Variants in WSB1 observed in about 807,000 individuals in gnomAD.
The protein encoded by WSB1 is WD repeat and SOCS box containing 1.
In WSB1, 23 loss-of-function variants were observed where a neutral mutation model predicts 50.2. The observed-to-expected ratio is 0.46, with a 90% CI of 0.33 to 0.65. The LOEUF is 0.65. Among genes scored for constraint, WSB1 ranks in the 30% least tolerant of loss-of-function variants. The pLI is 0.02. For missense variants in WSB1, 492 were observed against 522.3 expected (o/e 0.94, Z 0.56); for synonymous variants, 179 against 172.0 (o/e 1.04, Z -0.32).
intron 5 of WSB1, chr17:27,308,526 C>T: frequency 1.0e-6 from 1 of 985,670 alleles, no homozygotes; most frequent in Non-Finnish European, 1.2e-6. Context: ...TGTGGTTTAA[C>T]ATCCTTGTTG....
rs1305047350 is a variant in WSB1, at chr17:27,313,685, C to T, written c.*1316C>T. The T allele has an allele frequency of 1.3e-5, 2 of 151,808 alleles. No homozygotes were observed. The highest frequency in any genetic ancestry group is 2.9e-5 in the Non-Finnish European group (2 of 67,994). The allele number at this position is 151,808 out of a possible 1,614,324, so 9.4% of individuals were successfully genotyped here. On this transcript the variant is annotated 3_prime_UTR_variant, in exon 9 of 9. Transcript: ENST00000262394. Reference sequence around the variant, plus strand: ...GTTAGGTGGAGTACTTTCTCTCTGTCTCCATTGTAAGGTTGATGGTACACC... The same window carrying T: ...GTTAGGTGGAGTACTTTCTCTCTGTTTCCATTGTAAGGTTGATGGTACACC...
Position 27,309,223 on chromosome 17 carries a change from C to T in WSB1, c.835C>T (p.Arg279Ter), listed in dbSNP as rs769447081. 2 of 1,611,876 alleles carry T rather than the reference C, an allele frequency of 1.2e-6. No homozygotes were observed. Among genetic ancestry groups the T allele is most frequent in the Non-Finnish European group, 1.7e-6 (2 of 1,178,898 alleles). ...ACTGGCTACTGCATCTTATGATACTCGAGTATATATCTGGGATCCACATAA... is the reference window on the plus strand; with the variant it reads ...ACTGGCTACTGCATCTTATGATACTTGAGTATATATCTGGGATCCACATAA... ...ALLATASYDTRVYIWDPHNGD... is the reference protein window; with the variant it reads ...ALLATASYDT Residue 279 changes from arginine (R) to a stop codon, truncating the protein, a stop_gained, in exon 6 of 9, where the codon CGA becomes TGA. Transcript: ENST00000262394. LOFTEE classifies it high-confidence loss of function.
Position 27,303,471 on chromosome 17 carries a change from A to G in WSB1, c.314A>G (p.Asp105Gly). The change falls in exon 3 of 9, where the codon GAC (aspartate) becomes GGC (glycine). Residue 105 changes from aspartate (D) to glycine (G), a missense_variant. Transcript: ENST00000262394. ...QKNKPREHII[D>G]CGDIVWSLAF... is the part of the protein sequence containing the mutation. ...AATAAGCCTCGTGAACATATTATAG[A>G]CTGTGGAGATATAGTCTGGAGTCTT... 6.2e-7 allele frequency: 1 copy of G among 1,614,130 alleles called. No individual in the cohort carries two copies. The highest frequency in any genetic ancestry group is 1.3e-5 in the African/African-American group (1 of 75,058).
intron 1 of WSB1, among the ~76,000 whole-genome samples, chr17:27,296,783 G>C (rs2016998673): frequency 2.0e-5 from 3 of 152,168 alleles, no homozygotes; most frequent in Non-Finnish European, 4.4e-5. Context: ...CCTTAATAAG[G>C]TCATTAAATC....
chr17:27,304,697 G>A, intron 3 of WSB1, 83 bp from the exon 4 acceptor site: 28 of 1,398,514 alleles, frequency 2.0e-5, no homozygotes, highest in South Asian at 7.8e-5. Flanking sequence ...GAGTGACAGA[G>A]TGAGACCCTG....
intron 4 of WSB1, among the ~76,000 whole-genome samples, chr17:27,305,984 G>A (rs1258856065): frequency 2.6e-5 from 4 of 152,136 alleles, no homozygotes; most frequent in East Asian, 1.9e-4. Flanking sequence ...CCTGGCATGC[G>A]TAGGCACTCA....
chr17:27,305,415 A>G (rs1285655598), intron 4 of WSB1, among the ~76,000 whole-genome samples: 2 of 152,246 alleles, frequency 1.3e-5, no homozygotes, highest in Non-Finnish European at 2.9e-5. Context: ...TGAAAGATTT[A>G]CTGTCCAATA....
rs535422228 is a variant in WSB1 at position 27,300,047 on chromosome 17, G to A, written c.41-1741G>A. Among the ~76,000 whole-genome samples the A allele has an allele frequency of 1.3e-4, 20 of 151,630 alleles. 1 individual carries two copies. In the South Asian group the frequency reaches 4.0e-3, roughly 30 times the overall value. ...AACATATTTAAATCACTTTAGAATG[G>A]GAGCATAAATGTGTGCTTTCATATT... On this transcript the variant is annotated intron_variant, in intron 1 of 8. Transcript: ENST00000262394.
Position 27,312,571 on chromosome 17 carries a change from A to T in WSB1, c.*202A>T. On this transcript the variant is annotated 3_prime_UTR_variant, in exon 9 of 9. Transcript: ENST00000262394. ...GTATTTCTGAACATATCAAATATAA[A>T]TTTTTTTAAAGATCTAACTGTGAAA... is the stretch of plus-strand genomic sequence containing the variant. The T allele has an allele frequency of 1.5e-6, 1 of 650,686 alleles. No individual in the cohort carries two copies. Among genetic ancestry groups the T allele is most frequent in the Non-Finnish European group, 2.4e-6 (1 of 418,670 alleles). 40.3% of individuals were successfully genotyped at this position (650,686 alleles called of 1,614,324 possible).
chr17:27,309,862 T>C (rs1488108807), intron 6 of WSB1, among the ~76,000 whole-genome samples, 199 bp from the exon 7 acceptor site: 2 of 152,194 alleles, frequency 1.3e-5, no homozygotes, highest in Non-Finnish European at 2.9e-5. Context: ...ATTACAGGCA[T>C]GAGCCACTGC....
rs1221050939 is a variant in WSB1, at chr17:27,313,199, A to T, written c.*830A>T. ...AGACGTAGAGCTTGAATGTGACGTT[A>T]TTTAAAAACAACAACAAAGAAGGCA... On this transcript the variant is annotated 3_prime_UTR_variant, in exon 9 of 9. Coordinates refer to ENST00000262394, the MANE Select transcript of WSB1 (RefSeq NM_015626.10). 6.6e-6 allele frequency: 1 copy of T among 152,438 alleles called. No homozygotes were observed. Among genetic ancestry groups the T allele is most frequent in the East Asian group, 1.9e-4 (1 of 5,198 alleles). The allele number at this position is 152,438 out of a possible 1,614,324, so 9.4% of individuals were successfully genotyped here.
At chr17:27,300,382 A>G (rs1223889646) in intron 1 of WSB1, among the ~76,000 whole-genome samples, 1 of 152,178 alleles carries the variant, frequency 6.6e-6, no homozygotes, top group Non-Finnish European at 1.5e-5. Context: ...TAGGTGATAC[A>G]CTGATAAAGA....
chr17:27,312,585 C>G lies in WSB1; in HGVS notation c.*216C>G. The stretch of plus-strand genomic sequence containing the variant: ...ATCAAATATAAATTTTTTTAAAGAT[C>G]TAACTGTGAAAACATACATACCTGT... On this transcript the variant is annotated 3_prime_UTR_variant, in exon 9 of 9. Coordinates refer to ENST00000262394, the MANE Select transcript of WSB1 (RefSeq NM_015626.10). 1 of 568,030 alleles carries G rather than the reference C, an allele frequency of 1.8e-6. No individual in the cohort carries two copies. The highest frequency in any genetic ancestry group is 3.6e-5 in the East Asian group (1 of 27,844). The allele number at this position is 568,030 out of a possible 1,614,324, so 35.2% of individuals were successfully genotyped here. A position where few individuals can be genotyped will look rare whatever the true frequency, so the allele number is the denominator to read the frequency against.
chr17:27,299,080 A>T (rs1012261839), intron 1 of WSB1, among the ~76,000 whole-genome samples: 1 of 152,220 alleles, frequency 6.6e-6, no homozygotes, highest in Non-Finnish European at 1.5e-5. Flanking sequence ...GGCCAGGCAT[A>T]TAAAGAACCC....
chr17:27,299,280 G>A lies in WSB1; in HGVS notation c.41-2508G>A, dbSNP rs556435563. On this transcript the variant is annotated intron_variant, in intron 1 of 8. Coordinates refer to ENST00000262394, the MANE Select transcript of WSB1 (RefSeq NM_015626.10). ...AATCCCAGTACTTTGGGAGGCTGAA[G>A]GTGGGAGGATCACTTGAGCCCAGGA... Among the ~76,000 whole-genome samples, 3 of 152,304 alleles carry A rather than the reference G, an allele frequency of 2.0e-5. No individual in the cohort carries two copies. The East Asian group carries it at 5.8e-4, about 29-fold the overall frequency.
chr17:27,307,412 G>A, intron 5 of WSB1: 1 of 371,230 alleles, frequency 2.7e-6, no homozygotes, highest in South Asian at 3.4e-5. Flanking sequence ...TGTTAAGAGG[G>A]TTATGCTTAT....
chr17:27,305,609 G>A (rs1415500193), intron 4 of WSB1, among the ~76,000 whole-genome samples: 1 of 152,170 alleles, frequency 6.6e-6, no homozygotes, highest in Non-Finnish European at 1.5e-5. Context: ...TCAAGCTGGA[G>A]GTTAACAGGC....
At chr17:27,303,002 C>T in intron 2 of WSB1, 1 of 180,190 alleles carries the variant, frequency 5.5e-6, no homozygotes, top group Non-Finnish European at 1.2e-5. Context: ...TCAGCTTGAC[C>T]ATATCTTAAG....
intron 3 of WSB1, among the ~76,000 whole-genome samples, chr17:27,303,929 C>T (rs1164882159): frequency 6.6e-6 from 1 of 152,180 alleles, no homozygotes; most frequent in Non-Finnish European, 1.5e-5. Context: ...TAGTTAATGA[C>T]TCACATGTCA....
Sources: allele counts gnomAD v4.1 joint callset (sites outside exome capture counted in the v4.1 genomes callset), GRCh38; gene constraint gnomAD v4.1.1; transcripts MANE v1.5; gene names NCBI Gene and HGNC (gene_info 2026-07-23, HGNC 2026-07-21).